Variants in NEK10 observed in about 807,000 individuals in gnomAD.
NEK10 encodes NIMA related kinase 10.
A neutral mutation model predicts 159.8 loss-of-function variants in NEK10; 122 were observed. That is an observed-to-expected ratio of 0.76 (90% CI 0.66 to 0.89). NEK10 has a LOEUF of 0.89. NEK10 is among the 40% of genes least tolerant of loss of function. The pLI, the probability that NEK10 is intolerant of heterozygous loss-of-function variation, is 0.00. For synonymous variants in NEK10, 466 were observed against 457.1 expected (o/e 1.02, Z -0.25); for missense variants, 1,342 against 1,323.1 (o/e 1.01, Z -0.22).
At chr3:27,336,692 C>G (rs2046826588) in intron 5 of NEK10, among the ~76,000 whole-genome samples, 1 of 152,060 alleles carries the variant, frequency 6.6e-6, no homozygotes, top group African/African-American at 2.4e-5. Flanking sequence ...AATGGTTTGG[C>G]ATGCAAAAGT....
rs1559549181 is a variant in NEK10, at chr3:27,352,536, G to A, written c.72-11C>T. 1 of 1,596,074 alleles carries A rather than the reference G, an allele frequency of 6.3e-7. No individual in the cohort carries two copies. Among genetic ancestry groups the A allele is most frequent in the South Asian group, 1.1e-5 (1 of 90,632 alleles). ...AGATCTGAATAGTCCCTAGGAGAGA[G>A]AATAACACAATGTGAACCCACAGAA... On this transcript the variant is annotated splice_polypyrimidine_tract_variant and intron_variant, in intron 2 of 35. Coordinates refer to ENST00000691995, the MANE Select transcript of NEK10 (RefSeq NM_001394966.1).
intron 32 of NEK10, among the ~76,000 whole-genome samples, chr3:27,130,090 C>T (rs897641810): frequency 2.6e-5 from 4 of 152,086 alleles, no homozygotes; most frequent in African/African-American, 2.4e-5. Flanking sequence ...TGGAACCACA[C>T]TTCTGTTGAT....
At position 27,304,313 on chromosome 3, in the gene NEK10, T is replaced by C. The variant is rs182349070; in HGVS notation, c.1028+434A>G. Among the ~76,000 whole-genome samples the C allele has an allele frequency of 9.0e-4, 137 of 152,318 alleles. 1 individual carries two copies. Among genetic ancestry groups the C allele is most frequent in the African/African-American group, 2.9e-3 (121 of 41,566 alleles). On this transcript the variant is annotated intron_variant, in intron 12 of 35. Coordinates refer to ENST00000691995, the MANE Select transcript of NEK10 (RefSeq NM_001394966.1). ...TCATATAGGCTTTGTTTTCTCTTTA[T>C]AGATAATAACATATGTGCACACACA...
At chr3:27,183,985 G>A (rs1319382686) in intron 26 of NEK10, among the ~76,000 whole-genome samples, 1 of 152,140 alleles carries the variant, frequency 6.6e-6, no homozygotes, top group African/African-American at 2.4e-5. Flanking sequence ...TACTGCTTCT[G>A]AAAGTGTTAA....
chr3:27,349,616 C>T (rs2047822694), intron 3 of NEK10, among the ~76,000 whole-genome samples: 1 of 152,070 alleles, frequency 6.6e-6, no homozygotes, highest in Admixed American at 6.6e-5. Context: ...TTCTTTCTTC[C>T]ATCTTTTTTT....
intron 26 of NEK10, among the ~76,000 whole-genome samples, chr3:27,191,334 C>G (rs144057823): frequency 7.3e-5 from 11 of 151,558 alleles, no homozygotes; most frequent in African/African-American, 2.7e-4. Context: ...CTTACCAGGT[C>G]GCCACTGGGT....
intron 30 of NEK10, among the ~76,000 whole-genome samples, chr3:27,156,929 GATATATATAT>G (rs4016654): frequency 0.054 from 1,534 of 28,306 alleles, 47 homozygotes; most frequent in Admixed American, 0.063. Context: ...TAAAGAAACT[GATATATATAT>G]ATATATATAT....
intron 32 of NEK10, among the ~76,000 whole-genome samples, chr3:27,126,708 T>C (rs1941993695): frequency 1.3e-5 from 2 of 151,984 alleles, no homozygotes; most frequent in Non-Finnish European, 2.9e-5. Context: ...ACCCTGATCC[T>C]ACCAGGCCAC....
At chr3:27,236,897 G>T (rs531420333) in intron 23 of NEK10, among the ~76,000 whole-genome samples, 24 of 152,142 alleles carry the variant, frequency 1.6e-4, no homozygotes, top group Non-Finnish European at 2.8e-4. Flanking sequence ...AAATTTACTA[G>T]GGTGGGATCT....
At chr3:27,301,675 C>T (rs1383254120) in intron 13 of NEK10, 21 bp downstream of exon 13, 1 of 1,487,730 alleles carries the variant, frequency 6.7e-7, no homozygotes, top group Admixed American at 1.9e-5. Context: ...TATAGCATAT[C>T]AAATAATAAA....
rs1259339559 is a variant in NEK10 at position 27,301,818 on chromosome 3, G to C, written c.1046C>G (p.Ser349Cys). Residue 349 changes from serine to cysteine, a missense_variant, in exon 13 of 36, where the codon TCT becomes TGT. Transcript: ENST00000691995. ...HILQGDRNFV[S>C]DHSSIGSLSS... ...CAGGCTTCCAATGGAGGAGTGATCA[G>C]AAACAAAATTTCTGTCTCTGAAAAA... 1 of 1,552,208 alleles carries C rather than the reference G, an allele frequency of 6.4e-7. No individual in the cohort carries two copies. The highest frequency in any genetic ancestry group is 8.7e-7 in the Non-Finnish European group (1 of 1,147,090).
In NEK10 at chr3:27,181,126, C is replaced by A. The variant is rs1250378531; in HGVS notation, c.2506-6293G>T. Among the ~76,000 whole-genome samples the A allele has an allele frequency of 3.3e-5, 5 of 152,076 alleles. No homozygotes were observed. In the East Asian group the frequency reaches 7.8e-4, roughly 24 times the overall value. On this transcript the variant is annotated intron_variant, in intron 26 of 35. Coordinates refer to ENST00000691995, the MANE Select transcript of NEK10 (RefSeq NM_001394966.1). ...GTTATCCCTTTAATGTACAGTTGAC[C>A]CTTGAACAACATGGGAGTGAGGGGC...
chr3:27,338,575 C>G (rs996884211), intron 5 of NEK10, among the ~76,000 whole-genome samples: 1 of 152,228 alleles, frequency 6.6e-6, no homozygotes, highest in Non-Finnish European at 1.5e-5. Flanking sequence ...GTTCCTGTTT[C>G]TCCACATCCT....
chr3:27,282,642 A>ATATATATATACATAACTGTGT (rs2042282188), intron 22 of NEK10, among the ~76,000 whole-genome samples: 1 of 145,114 alleles, frequency 6.9e-6, no homozygotes, highest in African/African-American at 2.6e-5. Context: ...TAACTGTGTT[A>ATATATATATACATAACTGTGT]TATATATACA....
chr3:27,267,349 C>A (rs73157480), intron 22 of NEK10, among the ~76,000 whole-genome samples: 1 of 152,036 alleles, frequency 6.6e-6, no homozygotes, highest in Non-Finnish European at 1.5e-5. Flanking sequence ...TATATGTATA[C>A]CTCATTTTAT....
rs6791587 is a variant in NEK10, at chr3:27,314,341, A to G, written c.448-3T>C. ...CCACCCAAGCTATGGAGTATTTCCT[A>G]ATAAAATAAAAGCAACAAAACACAT... On this transcript the variant is annotated splice_region_variant and splice_polypyrimidine_tract_variant and intron_variant, in intron 6 of 35. Transcript: ENST00000691995. The G allele has an allele frequency of 1.3e-6, 2 of 1,589,760 alleles. No homozygotes were observed. Among genetic ancestry groups the G allele is most frequent in the South Asian group, 2.3e-5 (2 of 87,976 alleles).
At chr3:27,214,144 C>T (rs897131678) in intron 23 of NEK10, among the ~76,000 whole-genome samples, 2 of 152,218 alleles carry the variant, frequency 1.3e-5, no homozygotes, top group African/African-American at 4.8e-5. Flanking sequence ...ATGAATCCCA[C>T]CCACGCCACT....
Position 27,284,702 on chromosome 3 carries a change from C to G in NEK10, c.1914G>C (p.Leu638=), listed in dbSNP as rs780171465. Residue 638 remains leucine, a splice_region_variant and synonymous_variant, in exon 22 of 36, where the codon CTG becomes CTC. Coordinates refer to ENST00000691995, the MANE Select transcript of NEK10 (RefSeq NM_001394966.1). ...TGTGTAAGTATCGAAGAGCTAAGCA[C>G]AGCTTGAAACAATGAATAGAAAACA... ...EERLWKIFIQ[L]CLALRYLHKE... is the part of the protein sequence containing the mutation. 1 of 1,602,084 alleles carries G rather than the reference C, an allele frequency of 6.2e-7. No homozygotes were observed. The highest frequency in any genetic ancestry group is 2.2e-5 in the East Asian group (1 of 44,798).
In NEK10 at chr3:27,120,859, C is replaced by A. The variant is rs913840712; in HGVS notation, c.3082-991G>T. Among the ~76,000 whole-genome samples, 16 of 152,026 alleles carry A rather than the reference C, an allele frequency of 1.1e-4. No individual in the cohort carries two copies. The South Asian group carries it at 2.9e-3, about 28-fold the overall frequency. On this transcript the variant is annotated intron_variant, in intron 32 of 35. Transcript: ENST00000691995. ...AATTCCAATTATCACTTGGGCTGGC[C>A]AAATTTTAGTGCCTAAATTACTTTT...
Sources: allele counts gnomAD v4.1 joint callset (sites outside exome capture counted in the v4.1 genomes callset), GRCh38; gene constraint gnomAD v4.1.1; transcripts MANE v1.5; gene names NCBI Gene and HGNC (gene_info 2026-07-23, HGNC 2026-07-21).